AKT3: variants seen among roughly 807,000 people sequenced by gnomAD.
The protein encoded by AKT3 is AKT serine/threonine kinase 3.
In AKT3, 15 loss-of-function variants were observed where a neutral mutation model predicts 65.3. That is an observed-to-expected ratio of 0.23 (90% CI 0.15 to 0.35). AKT3 has a LOEUF of 0.35. Among genes scored for constraint, AKT3 ranks in the 10% least tolerant of loss-of-function variants. The pLI, the probability that AKT3 is intolerant of heterozygous loss-of-function variation, is 1.00. For synonymous variants in AKT3, 206 were observed against 183.8 expected (o/e 1.12, Z -0.98); for missense variants, 243 against 576.5 (o/e 0.42, Z 5.92).
At chr1:243,701,244 A>G (rs1027017921) in intron 2 of AKT3, among the ~76,000 whole-genome samples, 38 of 152,368 alleles carry the variant, frequency 2.5e-4, no homozygotes, top group African/African-American at 9.1e-4. Context: ...TTGTTCAGAC[A>G]TGCAAATGGA....
chr1:243,719,790 G>A (rs563129701), intron 2 of AKT3, among the ~76,000 whole-genome samples: 6 of 152,216 alleles, frequency 3.9e-5, no homozygotes, highest in African/African-American at 4.8e-5. Context: ...GGAGGCATGC[G>A]TTAATTCTGC....
intron 6 of AKT3, among the ~76,000 whole-genome samples, chr1:243,636,238 T>A (rs1291961352): frequency 1.3e-5 from 2 of 152,098 alleles, no homozygotes; most frequent in Non-Finnish European, 2.9e-5. Context: ...CAATAGCATA[T>A]TTTAATTTCA....
intron 12 of AKT3, among the ~76,000 whole-genome samples, chr1:243,533,380 G>A (rs2148418093): frequency 6.6e-6 from 1 of 152,288 alleles, no homozygotes; most frequent in African/African-American, 2.4e-5. Flanking sequence ...CAGTAAAGAT[G>A]CAGAAGACTT....
chr1:243,633,952 C>T (rs1679793347), intron 6 of AKT3, among the ~76,000 whole-genome samples: 2 of 152,134 alleles, frequency 1.3e-5, no homozygotes, highest in South Asian at 4.1e-4. Context: ...ATAGCAGTTC[C>T]CCTTATTAGT....
At chr1:243,543,838 T>C (rs1672475885) in intron 12 of AKT3, among the ~76,000 whole-genome samples, 2 of 152,294 alleles carry the variant, frequency 1.3e-5, no homozygotes, top group Middle Eastern at 3.4e-3. Flanking sequence ...TTGAATCGAG[T>C]AGAGGTGTCT....
At chr1:243,849,621 G>GCGCCCCCTCCCCACGCCGC (rs1353793610) in intron 1 of AKT3, among the ~76,000 whole-genome samples, 7 of 151,576 alleles carry the variant, frequency 4.6e-5, no homozygotes, top group Non-Finnish European at 7.4e-5. Flanking sequence ...GTCCAGGCGG[G>GCGCCCCCTCCCCACGCCGC]CGCCCCCTCC....
At chr1:243,719,977 T>C (rs1686774242) in intron 2 of AKT3, among the ~76,000 whole-genome samples, 1 of 152,156 alleles carries the variant, frequency 6.6e-6, no homozygotes, top group African/African-American at 2.4e-5. Context: ...TTAATAACCT[T>C]GGTGTTAAGA....
intron 2 of AKT3, among the ~76,000 whole-genome samples, chr1:243,771,819 T>C (rs367570303): frequency 6.6e-6 from 1 of 152,122 alleles, no homozygotes; most frequent in South Asian, 2.1e-4. Context: ...CAAAACAGCA[T>C]GGTACTGGTA....
intron 12 of AKT3, among the ~76,000 whole-genome samples, chr1:243,537,655 A>C (rs1298468061): frequency 3.9e-5 from 6 of 152,112 alleles, no homozygotes; most frequent in African/African-American, 1.4e-4. Flanking sequence ...ACTTGAAAAA[A>C]TCCAGTTGCT....
chr1:243,718,976 C>T (rs1382215349), intron 2 of AKT3, among the ~76,000 whole-genome samples: 1 of 152,100 alleles, frequency 6.6e-6, no homozygotes, highest in African/African-American at 2.4e-5. Flanking sequence ...AAGTCATTCC[C>T]TAAGGGGATA....
chr1:243,581,994 C>T (rs564153401), intron 8 of AKT3, among the ~76,000 whole-genome samples: 1 of 151,806 alleles, frequency 6.6e-6, no homozygotes, highest in Non-Finnish European at 1.5e-5. Flanking sequence ...GAAAGACTTG[C>T]AGAGCCTGAA....
At chr1:243,669,087 T>G (rs983981839) in intron 3 of AKT3, among the ~76,000 whole-genome samples, 1 of 152,142 alleles carries the variant, frequency 6.6e-6, no homozygotes, top group Non-Finnish European at 1.5e-5. Context: ...GCCAACCAAT[T>G]CCTATGACTG....
At chr1:243,777,421 C>A (rs1170170496) in intron 2 of AKT3, among the ~76,000 whole-genome samples, 1 of 152,074 alleles carries the variant, frequency 6.6e-6, no homozygotes, top group Non-Finnish European at 1.5e-5. Context: ...GTGTTGGGGA[C>A]CCCTGCACTG....
intron 6 of AKT3, among the ~76,000 whole-genome samples, chr1:243,623,189 T>G (rs964548590): frequency 6.6e-6 from 1 of 152,192 alleles, no homozygotes; most frequent in African/African-American, 2.4e-5. Context: ...GTGCCTGATT[T>G]TGCTCTGAGA....
chr1:243,640,274 GA>G (rs1558674625), intron 5 of AKT3, among the ~76,000 whole-genome samples: 2 of 152,306 alleles, frequency 1.3e-5, no homozygotes, highest in African/African-American at 4.8e-5. Flanking sequence ...TAATAGAGCA[GA>G]AAAAATCAGG....
chr1:243,500,244 A>AC lies in AKT3; in HGVS notation c.*5004dup, dbSNP rs1266275639. ...ATGATCTATATATCAATCATCCTTCACCTTTAATCAATGTCCCATCAGACT... is the reference window on the plus strand; with the variant it reads ...ATGATCTATATATCAATCATCCTTCACCCTTTAATCAATGTCCCATCAGACT... On this transcript the variant is annotated 3_prime_UTR_variant, in exon 14 of 14. Transcript: ENST00000673466. The AC allele has an allele frequency of 9.7e-5, 23 of 237,748 alleles. No homozygotes were observed. Among genetic ancestry groups the AC allele is most frequent in the Non-Finnish European group, 1.7e-4 (20 of 120,296 alleles). 14.7% of individuals were successfully genotyped at this position (237,748 alleles called of 1,614,324 possible).
At chr1:243,516,564 T>C (rs1018890104) in intron 12 of AKT3, among the ~76,000 whole-genome samples, 8 of 152,188 alleles carry the variant, frequency 5.3e-5, no homozygotes, top group African/African-American at 1.9e-4. Context: ...CTTTTTCTTG[T>C]TTTTTAGAGA....
chr1:243,702,491 T>G (rs186504537), intron 2 of AKT3, among the ~76,000 whole-genome samples: 69 of 152,300 alleles, frequency 4.5e-4, no homozygotes, highest in African/African-American at 1.6e-3. Context: ...AAGGACATAA[T>G]GTAAAAAGCC....
At chr1:243,535,882 T>C (rs1671891841) in intron 12 of AKT3, among the ~76,000 whole-genome samples, 1 of 152,156 alleles carries the variant, frequency 6.6e-6, no homozygotes, top group Non-Finnish European at 1.5e-5. Flanking sequence ...TACATTAACA[T>C]CTATTGTTTT....
Sources: allele counts gnomAD v4.1 joint callset (sites outside exome capture counted in the v4.1 genomes callset), GRCh38; gene constraint gnomAD v4.1.1; transcripts MANE v1.5; gene names NCBI Gene and HGNC (gene_info 2026-07-23, HGNC 2026-07-21).